TP73: variants seen among roughly 807,000 people sequenced by gnomAD.
The protein encoded by TP73 is tumor protein p73, also known as p53-like transcription factor.
A neutral mutation model predicts 62.5 loss-of-function variants in TP73; 25 were observed. The ratio of observed to expected loss-of-function variants is 0.40; its 90% CI spans 0.29 to 0.56. The LOEUF is 0.56. Among genes scored for constraint, TP73 ranks in the 20% least tolerant of loss-of-function variants. The pLI, the probability that TP73 is intolerant of heterozygous loss-of-function variation, is 0.46. For missense variants in TP73, 754 were observed against 913.3 expected (o/e 0.83, Z 2.25); for synonymous variants, 423 against 377.5 (o/e 1.12, Z -1.40).
At chr1:3,715,399 G>C (rs1235198397) in intron 4 of TP73, among the ~76,000 whole-genome samples, 1 of 152,086 alleles carries the variant, frequency 6.6e-6, no homozygotes, top group African/African-American at 2.4e-5. Flanking sequence ...CCTAGACCCC[G>C]ACCCCAGGCC....
In TP73 at chr1:3,727,261, G is replaced by A. The variant is rs754552139; in HGVS notation, c.842+37G>A. On this transcript the variant is annotated intron_variant, in intron 7 of 13. Transcript: ENST00000378295. ...GCACACGGGGTGGAGGTGGGACAGG[G>A]CTGGGCAGGCACGGCCGGGGGAGAA... The A allele has an allele frequency of 1.3e-5, 20 of 1,587,962 alleles. No individual in the cohort carries two copies. The Admixed American group carries it at 3.4e-4, about 27-fold the overall frequency.
Position 3,735,575 on chromosome 1 carries a change from T to G in TP73, c.*2496T>G, listed in dbSNP as rs1223904114. 1.3e-5 allele frequency: 2 copies of G among 152,222 alleles called. No individual in the cohort carries two copies. The highest frequency in any genetic ancestry group is 2.9e-5 in the Non-Finnish European group (2 of 68,052). 9.4% of individuals were successfully genotyped at this position (152,222 alleles called of 1,614,324 possible). A position where few individuals can be genotyped will look rare whatever the true frequency, so the allele number is the denominator to read the frequency against. On this transcript the variant is annotated 3_prime_UTR_variant, in exon 14 of 14. Coordinates refer to ENST00000378295, the MANE Select transcript of TP73 (RefSeq NM_005427.4). ...AGTAGACAGAGTTGAGACTTCGCCG[T>G]GGTCAGGAGAAAATGCAAATTCCCA...
At chr1:3,706,224 G>A (rs576323317) in intron 3 of TP73, among the ~76,000 whole-genome samples, 26 of 152,274 alleles carry the variant, frequency 1.7e-4, no homozygotes, top group African/African-American at 6.0e-4. Flanking sequence ...CCTTTGTGCC[G>A]TCTGCTGGGG....
intron 1 of TP73, among the ~76,000 whole-genome samples, chr1:3,674,644 G>C (rs1645321588): frequency 6.6e-6 from 1 of 152,230 alleles, no homozygotes; most frequent in Admixed American, 6.5e-5. Context: ...GCTGGCAGAG[G>C]GCCTTGCCCC....
intron 1 of TP73, among the ~76,000 whole-genome samples, chr1:3,653,856 A>G (rs755596157): frequency 1.3e-5 from 2 of 152,232 alleles, no homozygotes; most frequent in Non-Finnish European, 2.9e-5. Flanking sequence ...TGTATGCATT[A>G]CGTATGTAGT....
At chr1:3,676,160 G>A (rs79188106) in intron 1 of TP73, among the ~76,000 whole-genome samples, 4 of 150,964 alleles carry the variant, frequency 2.6e-5, no homozygotes, top group African/African-American at 7.3e-5. Flanking sequence ...ACAGGAGGAC[G>A]GGGACAGGGA....
At chr1:3,729,122 A>G (rs1641921123) in intron 9 of TP73, among the ~76,000 whole-genome samples, 1 of 152,220 alleles carries the variant, frequency 6.6e-6, no homozygotes, top group Non-Finnish European at 1.5e-5. Context: ...GGGACAGGAT[A>G]CCTGCCCACT....
At chr1:3,700,534 C>T (rs538814489) in intron 3 of TP73, among the ~76,000 whole-genome samples, 23 of 152,296 alleles carry the variant, frequency 1.5e-4, no homozygotes, top group East Asian at 5.8e-4. Context: ...AAATGCCCCA[C>T]GCCTGTAATC....
Position 3,670,947 on chromosome 1 carries a change from T to G in TP73, c.-33-11386T>G, listed in dbSNP as rs1645226609. 1.3e-5 allele frequency among the ~76,000 whole-genome samples: 2 copies of G among 152,210 alleles called. No individual in the cohort carries two copies. Among genetic ancestry groups the G allele is most frequent in the South Asian group, 4.1e-4 (2 of 4,832 alleles). The stretch of plus-strand genomic sequence containing the variant: ...GGCCCGCAAAGAGTCAGCATGTGAA[T>G]GTCTCTCCATGCGATGGGTGCTGGG... On this transcript the variant is annotated intron_variant, in intron 1 of 13. Coordinates refer to ENST00000378295, the MANE Select transcript of TP73 (RefSeq NM_005427.4). The surrounding 1 kb of genome is among the most constrained non-coding windows in gnomAD (Gnocchi z 5.9).
intron 1 of TP73, among the ~76,000 whole-genome samples, chr1:3,669,241 G>C (rs534912833): frequency 6.6e-6 from 1 of 152,212 alleles, no homozygotes; most frequent in Non-Finnish European, 1.5e-5. Context: ...GGGTGCAGTG[G>C]CTCCGGGGGC....
rs1325837806 is a variant in TP73 at position 3,734,211 on chromosome 1, A to T, written c.*1132A>T. 6.6e-6 allele frequency: 1 copy of T among 152,376 alleles called. No individual in the cohort carries two copies. Among genetic ancestry groups the T allele is most frequent in the Non-Finnish European group, 1.5e-5 (1 of 68,192 alleles). The allele number at this position is 152,376 out of a possible 1,614,324, so 9.4% of individuals were successfully genotyped here. ...TTCTAGGCGGTGGCAGTCAGGGAAC[A>T]GACTGAGGTAGGTGTAGGGGGGTCT... On this transcript the variant is annotated 3_prime_UTR_variant, in exon 14 of 14. Transcript: ENST00000378295. The surrounding 1 kb of genome is among the most constrained non-coding windows in gnomAD (Gnocchi z 4.4).
At chr1:3,683,232 G>A (rs1442653965) in intron 3 of TP73, 52 bp downstream of exon 3, 42 of 1,560,482 alleles carry the variant, frequency 2.7e-5, no homozygotes, top group Non-Finnish European at 3.7e-5. Flanking sequence ...GACAACAAAT[G>A]TGGCCTGTCC....
Position 3,696,005 on chromosome 1 carries a change from G to T in TP73, c.187-11544G>T, listed in dbSNP as rs1178569435. On this transcript the variant is annotated intron_variant, in intron 3 of 13. Coordinates refer to ENST00000378295, the MANE Select transcript of TP73 (RefSeq NM_005427.4). This position sits in a 1 kb window ranked among gnomAD's most constrained non-coding sequence, Gnocchi z 4.1. ...GCAGAGCAGGGGTGAAAACGCCGCG[G>T]TCGGCCGTGGCTGTGTTGGAGATGC... Among the ~76,000 whole-genome samples, 1 of 152,220 alleles carries T rather than the reference G, an allele frequency of 6.6e-6. No homozygotes were observed. Among genetic ancestry groups the T allele is most frequent in the Non-Finnish European group, 1.5e-5 (1 of 68,030 alleles).
intron 3 of TP73, among the ~76,000 whole-genome samples, chr1:3,698,825 G>T (rs1472685534): frequency 6.6e-6 from 1 of 152,210 alleles, no homozygotes; most frequent in African/African-American, 2.4e-5. Flanking sequence ...CCCCCATGTG[G>T]CGCTAAGCAC....
chr1:3,688,190 C>T (rs1388486378), intron 3 of TP73, among the ~76,000 whole-genome samples: 6 of 152,110 alleles, frequency 3.9e-5, no homozygotes, highest in Admixed American at 2.0e-4. Flanking sequence ...TTACCCCCTC[C>T]CAGAGAGCCC....
intron 13 of TP73, among the ~76,000 whole-genome samples, chr1:3,732,346 A>T (rs1406146330): frequency 1.3e-5 from 2 of 152,226 alleles, no homozygotes; most frequent in Non-Finnish European, 2.9e-5. Flanking sequence ...ACGCTGAGCC[A>T]GCTCCAGGTC....
rs548089613 is a variant in TP73, at chr1:3,686,767, C to T, written c.186+3587C>T. Among the ~76,000 whole-genome samples the T allele has an allele frequency of 9.9e-5, 15 of 152,218 alleles. No individual in the cohort carries two copies. In the South Asian group the frequency reaches 1.2e-3, roughly 13 times the overall value. Reference sequence around the variant, plus strand: ...CCGAGGTGGGTGTGGCTGGGGGCTCCGAGGCCAGGTTTGCTGAGCTCAGGA... The same window carrying T: ...CCGAGGTGGGTGTGGCTGGGGGCTCTGAGGCCAGGTTTGCTGAGCTCAGGA... On this transcript the variant is annotated intron_variant, in intron 3 of 13. Transcript: ENST00000378295.
intron 3 of TP73, among the ~76,000 whole-genome samples, chr1:3,707,043 G>T (rs1266216406): frequency 6.6e-6 from 1 of 152,102 alleles, no homozygotes; most frequent in Non-Finnish European, 1.5e-5. Context: ...TGAGAGCCCG[G>T]ATCTGGTCTC....
rs752179148 is a variant in TP73 at position 3,683,055 on chromosome 1, C to T, written c.66-5C>T. The T allele has an allele frequency of 1.3e-6, 2 of 1,598,942 alleles. No individual in the cohort carries two copies. The highest frequency in any genetic ancestry group is 1.7e-6 in the Non-Finnish European group (2 of 1,168,002). ...GACGCTTCTATTTTCCTCTCCCTGC[C>T]CCAGGGAACCAGACAGCACCTACTT... On this transcript the variant is annotated splice_region_variant and splice_polypyrimidine_tract_variant and intron_variant, in intron 2 of 13. Transcript: ENST00000378295.
Sources: allele counts gnomAD v4.1 joint callset (sites outside exome capture counted in the v4.1 genomes callset), GRCh38; gene constraint gnomAD v4.1.1; non-coding constraint Gnocchi (gnomAD v3.1); transcripts MANE v1.5; gene names NCBI Gene and HGNC (gene_info 2026-07-23, HGNC 2026-07-21).